The following PDIA6 variants were observed in gnomAD, a reference collection of about 807,000 sequenced individuals.
The protein encoded by PDIA6 is protein disulfide isomerase family A member 6.
Under a neutral mutation model 58.4 loss-of-function variants are expected in PDIA6, and 29 were observed. The ratio of observed to expected loss-of-function variants is 0.50; its 90% CI spans 0.37 to 0.68. PDIA6 has a LOEUF of 0.68. PDIA6 is among the 30% of genes least tolerant of loss of function. The probability of loss-of-function intolerance (pLI) is 0.00; values close to 1 mark genes in which losing one functional copy is unlikely to be tolerated. For synonymous variants in PDIA6, 192 were observed against 202.6 expected (o/e 0.95, Z 0.44); for missense variants, 480 against 551.0 (o/e 0.87, Z 1.29).
chr2:10,799,605 A>C (rs917672771), intron 2 of PDIA6, among the ~76,000 whole-genome samples: 16 of 152,286 alleles, frequency 1.1e-4, no homozygotes, highest in African/African-American at 3.9e-4. Context: ...CTATCGGGGG[A>C]ATGTCCTGAA....
At position 10,806,209 on chromosome 2, in the gene PDIA6, AG is replaced by A. The variant is rs573642942; in HGVS notation, c.20-3570del. Among the ~76,000 whole-genome samples, 30 of 151,294 alleles carry A rather than the reference AG, an allele frequency of 2.0e-4. 1 individual carries two copies. In the East Asian group the frequency reaches 5.1e-3, roughly 26 times the overall value. ...ATAGTGAGACCCCCTCTCTAAAAAAAGTACAAAAATTAGCCAGGCATGGTGG... is the reference window on the plus strand; with the variant it reads ...ATAGTGAGACCCCCTCTCTAAAAAAATACAAAAATTAGCCAGGCATGGTGG... On this transcript the variant is annotated intron_variant, in intron 1 of 12. Coordinates refer to ENST00000272227, the MANE Select transcript of PDIA6 (RefSeq NM_005742.4).
At chr2:10,792,644 C>T (rs1182818779) in intron 5 of PDIA6, among the ~76,000 whole-genome samples, 1 of 152,250 alleles carries the variant, frequency 6.6e-6, no homozygotes, top group African/African-American at 2.4e-5. Flanking sequence ...AAACACCAAT[C>T]TGCTCCTCTC....
chr2:10,828,261 C>T (rs1667610514), intron 1 of PDIA6, among the ~76,000 whole-genome samples: 1 of 152,212 alleles, frequency 6.6e-6, no homozygotes, highest in Non-Finnish European at 1.5e-5. Flanking sequence ...TCCAACTATT[C>T]ATTCCAACCT....
intron 1 of PDIA6, among the ~76,000 whole-genome samples, chr2:10,828,611 G>A (rs1015985166): frequency 6.6e-6 from 1 of 152,248 alleles, no homozygotes; most frequent in African/African-American, 2.4e-5. Flanking sequence ...TCTCCTGCTA[G>A]CCTGTGCGGG....
intron 7 of PDIA6, among the ~76,000 whole-genome samples, chr2:10,790,512 T>C (rs1244236998): frequency 6.6e-6 from 1 of 152,226 alleles, no homozygotes; most frequent in Non-Finnish European, 1.5e-5. Flanking sequence ...ATTAAGTATA[T>C]ACCAGAAGCA....
Position 10,812,662 on chromosome 2 carries a change from G to T in PDIA6, c.19+16C>A. On this transcript the variant is annotated intron_variant, in intron 1 of 12. Transcript: ENST00000272227. ...GACCCCAGCTCGCCCGCCTCCCTCC[G>T]CTGGCCCGCACCTACCGAGCACCAG... 6.5e-7 allele frequency: 1 copy of T among 1,529,348 alleles called. No individual in the cohort carries two copies. 94.7% of individuals were successfully genotyped at this position (1,529,348 alleles called of 1,614,324 possible). A position where few individuals can be genotyped will look rare whatever the true frequency, so the allele number is the denominator to read the frequency against.
At chr2:10,788,427 G>T (rs558626502) in intron 10 of PDIA6, among the ~76,000 whole-genome samples, 2 of 152,256 alleles carry the variant, frequency 1.3e-5, no homozygotes, top group East Asian at 3.9e-4. Context: ...GGTGGAGGCA[G>T]GTGGATCACT....
At chr2:10,791,098 A>C (rs531122320) in intron 6 of PDIA6, among the ~76,000 whole-genome samples, 1 of 150,346 alleles carries the variant, frequency 6.7e-6, no homozygotes, top group East Asian at 2.0e-4. Context: ...CCACCTCACC[A>C]GGCCAAATAC....
At chr2:10,820,288 G>A (rs181912487) in intron 1 of PDIA6, among the ~76,000 whole-genome samples, 1 of 152,316 alleles carries the variant, frequency 6.6e-6, no homozygotes, top group East Asian at 1.9e-4. Flanking sequence ...GGGAGGTGGT[G>A]TCTGATCTAC....
chr2:10,804,986 T>C (rs1666673058), intron 1 of PDIA6, among the ~76,000 whole-genome samples: 1 of 151,048 alleles, frequency 6.6e-6, no homozygotes, highest in Non-Finnish European at 1.5e-5. Flanking sequence ...TGTTGGTGTA[T>C]AAGAATGCTT....
At chr2:10,803,911 G>GTGTTTTTTT in intron 1 of PDIA6, among the ~76,000 whole-genome samples, 1 of 117,906 alleles carries the variant, frequency 8.5e-6, no homozygotes, top group East Asian at 2.5e-4. Context: ...TAGTTTTTGT[G>GTGTTTTTTT]TTTTTTTTTT....
At chr2:10,831,103 G>A (rs1185674777) in intron 1 of PDIA6, among the ~76,000 whole-genome samples, 2 of 152,136 alleles carry the variant, frequency 1.3e-5, no homozygotes, top group South Asian at 2.1e-4. Context: ...CTCTCTTTCC[G>A]GGATTCCTTG....
upstream of PDIA6, among the ~76,000 whole-genome samples, chr2:10,835,106 G>C (rs1202392805): frequency 1.3e-5 from 2 of 152,156 alleles, no homozygotes; most frequent in Non-Finnish European, 2.9e-5. Context: ...TGATGAACAT[G>C]AACAGGTGGG....
At chr2:10,788,485 G>A (rs1228600192) in intron 10 of PDIA6, among the ~76,000 whole-genome samples, 1 of 150,898 alleles carries the variant, frequency 6.6e-6, no homozygotes, top group Non-Finnish European at 1.5e-5. Flanking sequence ...GTGAAACCCT[G>A]ACCCTACTAA....
At chr2:10,820,040 A>G (rs1289818823) in intron 1 of PDIA6, among the ~76,000 whole-genome samples, 1 of 152,260 alleles carries the variant, frequency 6.6e-6, no homozygotes, top group Non-Finnish European at 1.5e-5. Context: ...CGAGGGAGAC[A>G]CTGAAGTCCA....
chr2:10,834,094 C>T (rs35543619), upstream of PDIA6, among the ~76,000 whole-genome samples: 1,548 of 152,344 alleles, frequency 0.01, 30 homozygotes, highest in African/African-American at 0.036. Context: ...TGCAAAGTCC[C>T]AACAGCTTCT....
At chr2:10,823,383 A>G (rs1667457703) in intron 1 of PDIA6, 1 of 152,200 alleles carries the variant, frequency 6.6e-6, no homozygotes, top group Non-Finnish European at 1.5e-5. Flanking sequence ...AATCCTTGTT[A>G]TGGCTCATAT....
chr2:10,802,751 C>T (rs1666568938), intron 1 of PDIA6, 111 bp from the exon 2 acceptor site: 5 of 774,702 alleles, frequency 6.5e-6, no homozygotes, highest in Non-Finnish European at 9.2e-6. Flanking sequence ...CACAGGAGGA[C>T]GGCCTAGCTC....
At chr2:10,794,869 G>C (rs1312332775) in intron 4 of PDIA6, among the ~76,000 whole-genome samples, 1 of 152,206 alleles carries the variant, frequency 6.6e-6, no homozygotes, top group African/African-American at 2.4e-5. Context: ...GGAGGTTGCA[G>C]TGAGCCGAGA....
Sources: allele counts gnomAD v4.1 joint callset (sites outside exome capture counted in the v4.1 genomes callset), GRCh38; gene constraint gnomAD v4.1.1; transcripts MANE v1.5; gene names NCBI Gene and HGNC (gene_info 2026-07-23, HGNC 2026-07-21).